Variants in MYBL2 observed in about 807,000 individuals in gnomAD.
MYBL2 encodes MYB proto-oncogene like 2.
MYBL2 carries 28 observed loss-of-function variants against 79.9 expected under a neutral mutation model. That is an observed-to-expected ratio of 0.35 (90% CI 0.26 to 0.48). The LOEUF is 0.48. Among genes scored for constraint, MYBL2 ranks in the 20% least tolerant of loss-of-function variants. The probability of loss-of-function intolerance (pLI) is 0.99; values close to 1 mark genes in which losing one functional copy is unlikely to be tolerated. For missense variants in MYBL2, 735 were observed against 893.9 expected (o/e 0.82, Z 2.27); for synonymous variants, 378 against 361.2 (o/e 1.05, Z -0.53).
chr20:43,706,930 G>A (rs1354821414), intron 9 of MYBL2, among the ~76,000 whole-genome samples: 1 of 151,164 alleles, frequency 6.6e-6, no homozygotes, highest in African/African-American at 2.4e-5. Flanking sequence ...TGGTCAGGCT[G>A]GTCTCAAACT....
intron 2 of MYBL2, among the ~76,000 whole-genome samples, chr20:43,681,302 T>C (rs1415821282): frequency 6.6e-6 from 1 of 152,166 alleles, no homozygotes; most frequent in Non-Finnish European, 1.5e-5. Context: ...CAAAGAGAAC[T>C]TTACAAAGTT....
At chr20:43,685,432 C>T (rs867635823) in intron 4 of MYBL2, among the ~76,000 whole-genome samples, 25 of 151,898 alleles carry the variant, frequency 1.6e-4, no homozygotes, top group African/African-American at 5.3e-4. Context: ...CCACCTGCCT[C>T]GACCTCCCAA....
chr20:43,675,208 A>G (rs928644096), intron 2 of MYBL2, among the ~76,000 whole-genome samples: 1 of 152,016 alleles, frequency 6.6e-6, no homozygotes, highest in Admixed American at 6.6e-5. Flanking sequence ...TCAAACTTCT[A>G]GGCTCAAGCA....
At position 43,703,418 on chromosome 20, in the gene MYBL2, G is replaced by A. The variant is rs940127376; in HGVS notation, c.1365+515G>A. 2.0e-5 allele frequency among the ~76,000 whole-genome samples: 3 copies of A among 152,338 alleles called. No homozygotes were observed. The East Asian group carries it at 5.8e-4, about 29-fold the overall frequency. Reference sequence around the variant, plus strand: ...AGTCACTGAGAACTCACTGTTCTGGGTGTTGCCCCTGGGTGCTCTGTTAGT... The same window carrying A: ...AGTCACTGAGAACTCACTGTTCTGGATGTTGCCCCTGGGTGCTCTGTTAGT... On this transcript the variant is annotated intron_variant, in intron 8 of 13. Coordinates refer to ENST00000217026, the MANE Select transcript of MYBL2 (RefSeq NM_002466.4).
chr20:43,702,619 C>T lies in MYBL2; in HGVS notation c.1081C>T (p.Pro361Ser), dbSNP rs975802387. The T allele has an allele frequency of 6.2e-7, 1 of 1,614,044 alleles. No individual in the cohort carries two copies. The highest frequency in any genetic ancestry group is 1.3e-5 in the African/African-American group (1 of 74,944). The change falls in exon 8 of 14, where the codon CCT becomes TCT. Residue 361 changes from proline (P) to serine (S), a missense_variant. Transcript: ENST00000217026. ...GCAGCAAGTCCTGCCACCCCGCCAG[C>T]CTTCCGCCCTGGTGCCCAGTGTGAC... ...HQQQVLPPRQ[P>S]SALVPSVTEY...
chr20:43,683,896 C>T (rs1394745427), intron 4 of MYBL2, among the ~76,000 whole-genome samples: 1 of 151,846 alleles, frequency 6.6e-6, no homozygotes, highest in Non-Finnish European at 1.5e-5. Flanking sequence ...TGAGACGAGT[C>T]TTACTCTGTT....
At chr20:43,688,910 C>T (rs1987341595) in intron 5 of MYBL2, among the ~76,000 whole-genome samples, 1 of 152,150 alleles carries the variant, frequency 6.6e-6, no homozygotes. Flanking sequence ...CTGCCTCAGC[C>T]TCCTGAGTAG....
At chr20:43,680,089 G>A (rs139130225) in intron 2 of MYBL2, among the ~76,000 whole-genome samples, 1 of 152,220 alleles carries the variant, frequency 6.6e-6, no homozygotes, top group East Asian at 1.9e-4. Context: ...GCAGTGCAAT[G>A]GCATGATCTT....
chr20:43,679,795 C>T (rs1012348925), intron 2 of MYBL2, among the ~76,000 whole-genome samples: 1 of 151,838 alleles, frequency 6.6e-6, no homozygotes, highest in Non-Finnish European at 1.5e-5. Context: ...TCTGTGGTCC[C>T]ACCTACTTGG....
At chr20:43,668,867 A>G (rs1338417567) in intron 1 of MYBL2, among the ~76,000 whole-genome samples, 1 of 151,822 alleles carries the variant, frequency 6.6e-6, no homozygotes, top group Non-Finnish European at 1.5e-5. Context: ...CAACTGGCTA[A>G]TTTATTTAAT....
intron 8 of MYBL2, among the ~76,000 whole-genome samples, chr20:43,703,502 TG>T (rs1247065533): frequency 6.6e-6 from 1 of 151,818 alleles, no homozygotes; most frequent in South Asian, 2.1e-4. Flanking sequence ...ATAGAGGTCA[TG>T]GGGGGCACCT....
chr20:43,694,429 C>T (rs190269416), intron 6 of MYBL2, among the ~76,000 whole-genome samples: 1 of 152,078 alleles, frequency 6.6e-6, no homozygotes, highest in Non-Finnish European at 1.5e-5. Context: ...TGGTAGGTAA[C>T]AATTGTCCTT....
intron 2 of MYBL2, among the ~76,000 whole-genome samples, chr20:43,675,910 A>ATTT (rs1986997322): frequency 2.4e-5 from 1 of 42,106 alleles, no homozygotes. Flanking sequence ...CCCAATAGGT[A>ATTT]GTTTTTTTTT....
intron 5 of MYBL2, among the ~76,000 whole-genome samples, chr20:43,687,312 C>T (rs1429738380): frequency 3.3e-5 from 5 of 152,156 alleles, no homozygotes; most frequent in East Asian, 1.9e-4. Context: ...AGCAAGAAAT[C>T]GGGAACCCTG....
intron 2 of MYBL2, among the ~76,000 whole-genome samples, chr20:43,678,582 C>A (rs577963154): frequency 2.0e-5 from 3 of 151,930 alleles, no homozygotes; most frequent in Admixed American, 2.0e-4. Context: ...GGTGGCCTGG[C>A]GCGGTGGCTC....
At chr20:43,690,523 A>C (rs575205258) in intron 5 of MYBL2, among the ~76,000 whole-genome samples, 64 of 152,170 alleles carry the variant, frequency 4.2e-4, no homozygotes, top group Non-Finnish European at 1.5e-5. Flanking sequence ...GGGGGATTGG[A>C]TTCGCTGTAG....
At chr20:43,703,726 G>A (rs1042887508) in intron 8 of MYBL2, among the ~76,000 whole-genome samples, 1 of 152,092 alleles carries the variant, frequency 6.6e-6, no homozygotes, top group Non-Finnish European at 1.5e-5. Flanking sequence ...CCTGGTGCAG[G>A]AGGCCACCCT....
At chr20:43,686,804 G>T (rs376706755) in intron 4 of MYBL2, 48 bp from the exon 5 acceptor site, 54 of 1,576,044 alleles carry the variant, frequency 3.4e-5, no homozygotes, top group Non-Finnish European at 4.4e-5. Context: ...TATGGTGGGG[G>T]CGAGAGAGGG....
Position 43,699,957 on chromosome 20 carries a change from G to A in MYBL2, c.864G>A (p.Leu288=), listed in dbSNP as rs1987643490. ...AAGGCTCCCCACCAGAAACGAGCCT[G>A]CCTTACAAGTGGGTGGTGGAGGCAG... The part of the protein sequence containing the change: ...DQEGSPPETS[L]PYKWVVEAAN... The change falls in exon 7 of 14, where the codon CTG becomes CTA. Residue 288 remains leucine (L), a synonymous_variant. Transcript: ENST00000217026. The A allele has an allele frequency of 6.2e-7, 1 of 1,614,026 alleles. No individual in the cohort carries two copies. The highest frequency in any genetic ancestry group is 1.3e-5 in the African/African-American group (1 of 74,902).
Sources: gnomAD v4.1 joint callset for allele counts (sites outside exome capture counted in the v4.1 genomes callset) on GRCh38, gnomAD v4.1.1 for gene constraint, MANE v1.5 for transcripts, NCBI Gene and HGNC (gene_info 2026-07-23, HGNC 2026-07-21) for gene names.